The following CENPT variants were observed in gnomAD, a reference collection of about 807,000 sequenced individuals.
The protein encoded by CENPT is interphase centromere complex protein 22.
In CENPT, 42 loss-of-function variants were observed where a neutral mutation model predicts 59.7. The observed-to-expected ratio is 0.70, with a 90% CI of 0.55 to 0.91. The LOEUF (loss-of-function observed/expected upper bound fraction) is 0.91, where lower values mean the gene tolerates loss of function less well. Among genes scored for constraint, CENPT ranks in the 40% least tolerant of loss-of-function variants. CENPT has a pLI of 0.00. For synonymous variants in CENPT, 295 were observed against 289.6 expected (o/e 1.02, Z -0.19); for missense variants, 716 against 713.4 (o/e 1.00, Z -0.04).
intron 1 of CENPT, among the ~76,000 whole-genome samples, chr16:67,840,383 A>G (rs2057753824): frequency 1.3e-5 from 2 of 152,214 alleles, no homozygotes; most frequent in Admixed American, 1.3e-4. Flanking sequence ...GTGATCTGCT[A>G]TCAGGAGAGA....
chr16:67,831,950 C>T (rs973911359), intron 7 of CENPT, 60 bp from the exon 8 acceptor site: 1 of 1,588,834 alleles, frequency 6.3e-7, no homozygotes, highest in Non-Finnish European at 8.6e-7. Context: ...TTTTGCAACC[C>T]CCAAGAAACT....
chr16:67,842,086 G>T lies in CENPT; in HGVS notation c.-492+5315C>A, dbSNP rs935397336. On this transcript the variant is annotated intron_variant, in intron 1 of 15. Transcript: ENST00000562787. The surrounding 1 kb of genome is among the most constrained non-coding windows in gnomAD (Gnocchi z 4.9). The stretch of plus-strand genomic sequence containing the variant: ...ACCGCCCCGCTCCACGCCCCTATCA[G>T]GATTCGGGTCCTCGTGAGGAGCAGT... 1 of 152,410 alleles carries T rather than the reference G, an allele frequency of 6.6e-6. No individual in the cohort carries two copies. The highest frequency in any genetic ancestry group is 2.1e-4 in the South Asian group (1 of 4,838). The allele number at this position is 152,410 out of a possible 1,614,324, so 9.4% of individuals were successfully genotyped here.
In CENPT at chr16:67,833,920, C is replaced by A. The variant is rs2151286421; in HGVS notation, c.-61G>T. The A allele has an allele frequency of 8.9e-7, 1 of 1,125,036 alleles. No individual in the cohort carries two copies. The highest frequency in any genetic ancestry group is 1.2e-6 in the Non-Finnish European group (1 of 826,686). 69.7% of individuals were successfully genotyped at this position (1,125,036 alleles called of 1,614,324 possible). A position where few individuals can be genotyped will look rare whatever the true frequency, so the allele number is the denominator to read the frequency against. ...GCTGCAGGCTCCGCCTTCCCGCCGC[C>A]ACAGTTAATGTAACTCTCGCGATGC... is the stretch of plus-strand genomic sequence containing the variant. On this transcript the variant is annotated 5_prime_UTR_variant, in exon 4 of 16. Transcript: ENST00000562787.
rs530979236 is a variant in CENPT at position 67,828,628 on chromosome 16, G to A, written c.1457+39C>T. On this transcript the variant is annotated intron_variant, in intron 14 of 15. Coordinates refer to ENST00000562787, the MANE Select transcript of CENPT (RefSeq NM_025082.4). ...AGGCTGAACAGTCTGATCATGACCC[G>A]AGGGGTTCCTCTCCCTACCCCATGT... 9.9e-6 allele frequency: 16 copies of A among 1,613,370 alleles called. No homozygotes were observed. In the East Asian group the frequency reaches 1.1e-4, roughly 11 times the overall value.
In CENPT at chr16:67,830,532, G is replaced by A. The variant is rs1035684401; in HGVS notation, c.720C>T (p.Asp240=). The A allele has an allele frequency of 1.9e-6, 3 of 1,614,066 alleles. No individual in the cohort carries two copies. Among genetic ancestry groups the A allele is most frequent in the Non-Finnish European group, 2.5e-6 (3 of 1,179,982 alleles). The change falls in exon 11 of 16, where the codon GAC becomes GAT. Residue 240 remains aspartate (D), a synonymous_variant. Coordinates refer to ENST00000562787, the MANE Select transcript of CENPT (RefSeq NM_025082.4). ...SLAPPNIVLE[D]TQPFSQPMVG... is the part of the protein sequence containing the mutation. ...CCATGGGCTGAGAGAACGGCTGGGT[G>A]TCCTCCAACACAATGTCTGTGGGCA...
intron 14 of CENPT, 33 bp downstream of exon 14, chr16:67,828,634 T>G: frequency 6.2e-7 from 1 of 1,613,616 alleles, no homozygotes. Flanking sequence ...ACCCGAGGGG[T>G]TCCTCTCCCT....
chr16:67,830,437 G>A lies in CENPT; in HGVS notation c.815C>T (p.Ala272Val). Residue 272 changes from alanine to valine, a missense_variant, in exon 11 of 16, where the codon GCT becomes GTT. Ala to Val is a moderately conservative substitution (Grantham distance 64, BLOSUM62 0). Transcript: ENST00000562787. ...PHTGAEDAEQ[A>V]AGRKTQSSGP... The stretch of plus-strand genomic sequence containing the variant: ...ACTGCTCTGTGTCTTGCGACCGGCA[G>A]CCTGCTCAGCGTCTTCAGCCCCAGT... 1 of 1,614,084 alleles carries A rather than the reference G, an allele frequency of 6.2e-7. No individual in the cohort carries two copies. The highest frequency in any genetic ancestry group is 8.5e-7 in the Non-Finnish European group (1 of 1,179,970).
In CENPT at chr16:67,840,096, C is replaced by G. The variant is rs182312586; in HGVS notation, c.-491-4438G>C. 6.3e-3 allele frequency among the ~76,000 whole-genome samples: 951 copies of G among 152,004 alleles called. 13 individuals carry two copies. Among genetic ancestry groups the G allele is most frequent in the African/African-American group, 0.022 (908 of 41,454 alleles). On this transcript the variant is annotated intron_variant, in intron 1 of 15. Transcript: ENST00000562787. Reference sequence around the variant, plus strand: ...CTTTGGGAGGCCGAGGCGGGCGGATCACGAAGTCAGGAGATCGAGACCATC... The same window carrying G: ...CTTTGGGAGGCCGAGGCGGGCGGATGACGAAGTCAGGAGATCGAGACCATC...
intron 1 of CENPT, among the ~76,000 whole-genome samples, chr16:67,844,944 A>G (rs1014928692): frequency 1.3e-5 from 2 of 151,954 alleles, no homozygotes; most frequent in African/African-American, 4.8e-5. Context: ...ACCCGCCACC[A>G]CGTCGGGCTG....
intron 2 of CENPT, 95 bp downstream of exon 2, chr16:67,835,443 C>G (rs2057729627): frequency 6.6e-6 from 1 of 152,068 alleles, no homozygotes; most frequent in Admixed American, 6.6e-5. Context: ...GCGGGCGGAT[C>G]ACTTGAGGTC....
chr16:67,843,225 C>G lies in CENPT; in HGVS notation c.-492+4176G>C, dbSNP rs1258977978. 1 of 1,611,922 alleles carries G rather than the reference C, an allele frequency of 6.2e-7. No homozygotes were observed. Among genetic ancestry groups the G allele is most frequent in the East Asian group, 2.2e-5 (1 of 44,864 alleles). Reference sequence around the variant, plus strand: ...GCAGGGCTGGAGGCTGCCGAGTGCCCTATGGGCCCCCAGTTGGTGGTGGTA... The same window carrying G: ...GCAGGGCTGGAGGCTGCCGAGTGCCGTATGGGCCCCCAGTTGGTGGTGGTA... On this transcript the variant is annotated intron_variant, in intron 1 of 15. Transcript: ENST00000562787. The surrounding 1 kb of genome is among the most constrained non-coding windows in gnomAD (Gnocchi z 5.7).
In CENPT at chr16:67,842,512, G is replaced by A. The variant is rs1383640215; in HGVS notation, c.-492+4889C>T. The stretch of plus-strand genomic sequence containing the variant: ...GGCGTAGCCACTGGGCCGTCGAAGA[G>A]CGCAGGAGGCCGGTGGGCCGGGCCG... On this transcript the variant is annotated intron_variant, in intron 1 of 15. Transcript: ENST00000562787. The surrounding 1 kb of genome is among the most constrained non-coding windows in gnomAD (Gnocchi z 4.9). The A allele has an allele frequency of 3.4e-6, 5 of 1,459,286 alleles. No individual in the cohort carries two copies. The allele number at this position is 1,459,286 out of a possible 1,614,324, so 90.4% of individuals were successfully genotyped here.
Position 67,828,831 on chromosome 16 carries a change from C to T in CENPT, c.1293G>A (p.Glu431=), listed in dbSNP as rs745894682. ...GCCTGACCAACAGAGGCTCTGCAGG[C>T]TCTGAAGATAAGCTGAGGGCAACAG... ...PAPGAAVLSS[E]PAEPLLVRHP... Residue 431 remains glutamate (E), a synonymous_variant, in exon 14 of 16, where the codon GAG becomes GAA. Coordinates refer to ENST00000562787, the MANE Select transcript of CENPT (RefSeq NM_025082.4). The T allele has an allele frequency of 2.5e-6, 4 of 1,581,824 alleles. No individual in the cohort carries two copies. In the South Asian group the frequency reaches 4.7e-5, roughly 18 times the overall value.
At chr16:67,839,381 CA>C (rs533840724) in intron 1 of CENPT, among the ~76,000 whole-genome samples, 5,899 of 54,140 alleles carry the variant, frequency 0.11, 125 homozygotes, top group Middle Eastern at 0.34. Flanking sequence ...AACTCCACCT[CA>C]AAAAAAAAAA....
In CENPT at chr16:67,847,576, T is replaced by C. The variant is rs2057815122; in HGVS notation, c.-667A>G. ...TCTGCCCCTCGGAAGTGTACGTTTC[T>C]TACCGCGCCCTTTGTGGAGCCCGGA... On this transcript the variant is annotated 5_prime_UTR_variant, in exon 1 of 16. Transcript: ENST00000562787. 6.6e-6 allele frequency: 1 copy of C among 152,444 alleles called. No homozygotes were observed. The highest frequency in any genetic ancestry group is 2.1e-4 in the South Asian group (1 of 4,840). 9.4% of individuals were successfully genotyped at this position (152,444 alleles called of 1,614,324 possible).
chr16:67,829,889 T>G lies in CENPT; in HGVS notation c.1062A>C (p.Gly354=), dbSNP rs759690882. 3 of 1,614,206 alleles carry G rather than the reference T, an allele frequency of 1.9e-6. No homozygotes were observed. Among genetic ancestry groups the G allele is most frequent in the Non-Finnish European group, 2.5e-6 (3 of 1,180,040 alleles). ...CCTCAGCCTCTTCTACCCTGCTGGGTCCTTGTGCTCCTGTTGCCTCCATTT... is the reference window on the plus strand; with the variant it reads ...CCTCAGCCTCTTCTACCCTGCTGGGGCCTTGTGCTCCTGTTGCCTCCATTT... The part of the protein sequence containing the change: ...VSEMEATGAQ[G]PSRVEEAEGH... The change falls in exon 12 of 16, where the codon GGA becomes GGC. Residue 354 remains glycine, a synonymous_variant. Transcript: ENST00000562787.
chr16:67,842,392 G>T lies in CENPT; in HGVS notation c.-492+5009C>A, dbSNP rs904044616. ...GCGGGCCGGCAGGAAGCGTATTCTG[G>T]GCACGGGGCGCCGGGCGGGCCGGCT... is the stretch of plus-strand genomic sequence containing the variant. On this transcript the variant is annotated intron_variant, in intron 1 of 15. Coordinates refer to ENST00000562787, the MANE Select transcript of CENPT (RefSeq NM_025082.4). The surrounding 1 kb of genome is among the most constrained non-coding windows in gnomAD (Gnocchi z 4.9). The T allele has an allele frequency of 2.8e-6, 1 of 357,008 alleles. No individual in the cohort carries two copies. The highest frequency in any genetic ancestry group is 7.8e-5 in the East Asian group (1 of 12,862). 22.1% of individuals were successfully genotyped at this position (357,008 alleles called of 1,614,324 possible). A position where few individuals can be genotyped will look rare whatever the true frequency, so the allele number is the denominator to read the frequency against.
In CENPT at chr16:67,843,176, G is replaced by A. The variant is rs150290499; in HGVS notation, c.-492+4225C>T. The stretch of plus-strand genomic sequence containing the variant: ...AGAGGGCGCAGCCGCTGCGGCCGCC[G>A]CGTCGGAGTTACAGGCTGCTACCGC... On this transcript the variant is annotated intron_variant, in intron 1 of 15. Transcript: ENST00000562787. This position sits in a 1 kb window ranked among gnomAD's most constrained non-coding sequence, Gnocchi z 5.7. 1.2e-6 allele frequency: 2 copies of A among 1,610,816 alleles called. No individual in the cohort carries two copies. The highest frequency in any genetic ancestry group is 1.7e-6 in the Non-Finnish European group (2 of 1,179,578).
chr16:67,835,782 T>G (rs909868224), intron 1 of CENPT, 124 bp from the exon 2 acceptor site: 1 of 152,228 alleles, frequency 6.6e-6, no homozygotes, highest in Non-Finnish European at 1.5e-5. Context: ...TGACTCAATT[T>G]GCTATCCTTT....
Sources: gnomAD v4.1 joint callset for allele counts (sites outside exome capture counted in the v4.1 genomes callset) on GRCh38, gnomAD v4.1.1 for gene constraint, Gnocchi (gnomAD v3.1) non-coding constraint, MANE v1.5 for transcripts, NCBI Gene and HGNC (gene_info 2026-07-23, HGNC 2026-07-21) for gene names.